Variants in HCN1 observed in about 807,000 individuals in gnomAD.
HCN1 encodes potassium/sodium hyperpolarization-activated cyclic nucleotide-gated channel 1.
A neutral mutation model predicts 78.9 loss-of-function variants in HCN1; 13 were observed. That is an observed-to-expected ratio of 0.16 (90% CI 0.11 to 0.26). The LOEUF is 0.26. Among genes scored for constraint, HCN1 ranks in the 10% least tolerant of loss-of-function variants. HCN1 has a pLI of 1.00. For missense variants in HCN1, 810 were observed against 1,154.3 expected (o/e 0.70, Z 4.32); for synonymous variants, 552 against 455.5 (o/e 1.21, Z -2.70).
chr5:45,587,484 G>A (rs1744256636), intron 2 of HCN1, among the ~76,000 whole-genome samples: 1 of 150,508 alleles, frequency 6.6e-6, no homozygotes, highest in Admixed American at 6.7e-5. Context: ...TCACTCACAG[G>A]TGGGAATTGA....
At chr5:45,600,439 T>G (rs982940603) in intron 2 of HCN1, among the ~76,000 whole-genome samples, 1 of 152,178 alleles carries the variant, frequency 6.6e-6, no homozygotes, top group Non-Finnish European at 1.5e-5. Flanking sequence ...TCATTGGAAT[T>G]TTCATATGTG....
At chr5:45,412,249 C>T (rs1300605350) in intron 3 of HCN1, among the ~76,000 whole-genome samples, 1 of 152,102 alleles carries the variant, frequency 6.6e-6, no homozygotes, top group Non-Finnish European at 1.5e-5. Context: ...AGCATTTCAT[C>T]TTCACTTTTC....
chr5:45,424,505 G>A (rs1328004605), intron 3 of HCN1, among the ~76,000 whole-genome samples: 3 of 151,890 alleles, frequency 2.0e-5, no homozygotes, highest in Non-Finnish European at 4.4e-5. Context: ...CAACACAGGA[G>A]AGAAAAAAAT....
At chr5:45,675,468 C>T (rs1433723053) in intron 1 of HCN1, among the ~76,000 whole-genome samples, 1 of 151,712 alleles carries the variant, frequency 6.6e-6, no homozygotes, top group Non-Finnish European at 1.5e-5. Flanking sequence ...GTGGTTTGAG[C>T]CTATCATCTA....
rs931852979 is a variant in HCN1, at chr5:45,257,801, G to T, written c.*4120C>A. 6.6e-6 allele frequency: 1 copy of T among 152,020 alleles called. No homozygotes were observed. Among genetic ancestry groups the T allele is most frequent in the Admixed American group, 6.5e-5 (1 of 15,268 alleles). 9.4% of individuals were successfully genotyped at this position (152,020 alleles called of 1,614,324 possible). A position where few individuals can be genotyped will look rare whatever the true frequency, so the allele number is the denominator to read the frequency against. ...CTTGAAAATAACCATATTGAATACAGTTATAGAACTGTATTTTATTTATTT... is the reference window on the plus strand; with the variant it reads ...CTTGAAAATAACCATATTGAATACATTTATAGAACTGTATTTTATTTATTT... On this transcript the variant is annotated 3_prime_UTR_variant, in exon 8 of 8. Transcript: ENST00000303230.
At chr5:45,349,960 T>C (rs1269322648) in intron 5 of HCN1, among the ~76,000 whole-genome samples, 1 of 152,122 alleles carries the variant, frequency 6.6e-6, no homozygotes, top group Admixed American at 6.6e-5. Context: ...GAGGAACTGG[T>C]ACCATTCCTT....
chr5:45,629,189 A>G (rs1745226602), intron 2 of HCN1, among the ~76,000 whole-genome samples: 1 of 152,006 alleles, frequency 6.6e-6, no homozygotes, highest in African/African-American at 2.4e-5. Context: ...AAGTATCTAC[A>G]ATAAAAACTG....
Position 45,471,856 on chromosome 5 carries a change from T to A in HCN1, c.850-9849A>T, listed in dbSNP as rs144528688. Among the ~76,000 whole-genome samples the A allele has an allele frequency of 7.2e-5, 11 of 152,090 alleles. No homozygotes were observed. The East Asian group carries it at 1.9e-3, about 27-fold the overall frequency. The stretch of plus-strand genomic sequence containing the variant: ...GCTGTTACTGAGTTAATTAATAAAT[T>A]GATTTGTGTCTATCATTATTTTTTC... On this transcript the variant is annotated intron_variant, in intron 2 of 7. Transcript: ENST00000303230.
intron 5 of HCN1, among the ~76,000 whole-genome samples, chr5:45,328,894 C>T (rs866731858): frequency 6.6e-6 from 1 of 151,686 alleles, no homozygotes; most frequent in South Asian, 2.1e-4. Flanking sequence ...GGAACACAGT[C>T]TACACACTTC....
At chr5:45,672,612 C>T (rs1746173198) in intron 1 of HCN1, among the ~76,000 whole-genome samples, 1 of 149,564 alleles carries the variant, frequency 6.7e-6, no homozygotes, top group Non-Finnish European at 1.5e-5. Context: ...AAAAGACTTG[C>T]TTGTTGTCTG....
intron 2 of HCN1, among the ~76,000 whole-genome samples, chr5:45,515,235 T>C (rs950102826): frequency 1.3e-5 from 2 of 152,008 alleles, no homozygotes; most frequent in Admixed American, 6.6e-5. Context: ...TTTTCTTTTT[T>C]TCTTATAGAT....
At chr5:45,523,636 T>G (rs1168902274) in intron 2 of HCN1, among the ~76,000 whole-genome samples, 2 of 152,070 alleles carry the variant, frequency 1.3e-5, no homozygotes, top group Non-Finnish European at 2.9e-5. Context: ...TTTCATGTGT[T>G]TTTTGGCTGC....
rs1745554011 is a variant in HCN1, at chr5:45,646,542, A to C, written c.426-934T>G. 2.0e-5 allele frequency among the ~76,000 whole-genome samples: 3 copies of C among 151,606 alleles called. No homozygotes were observed. The South Asian group carries it at 6.2e-4, about 32-fold the overall frequency. On this transcript the variant is annotated intron_variant, in intron 1 of 7. Transcript: ENST00000303230. Reference sequence around the variant, plus strand: ...GCGTGCCACCATGCCCAGCTAAAAAAAAATCTTTAACATTTCTAATTTAAT... The same window carrying C: ...GCGTGCCACCATGCCCAGCTAAAAACAAATCTTTAACATTTCTAATTTAAT...
At chr5:45,301,166 A>G (rs2111900739) in intron 6 of HCN1, among the ~76,000 whole-genome samples, 1 of 152,156 alleles carries the variant, frequency 6.6e-6, no homozygotes, top group African/African-American at 2.4e-5. Context: ...TCTTAAAGTC[A>G]GCATATTATT....
At chr5:45,303,093 A>G (rs1238634279) in intron 6 of HCN1, among the ~76,000 whole-genome samples, 1 of 152,122 alleles carries the variant, frequency 6.6e-6, no homozygotes, top group African/African-American at 2.4e-5. Flanking sequence ...AGCCTTCCTT[A>G]GGCCTGAAGG....
intron 7 of HCN1, among the ~76,000 whole-genome samples, 168 bp downstream of exon 7, chr5:45,266,921 C>T (rs1217255754): frequency 6.6e-6 from 1 of 152,106 alleles, no homozygotes; most frequent in Non-Finnish European, 1.5e-5. Flanking sequence ...GTTGGCCAGG[C>T]TGGTCTCGAA....
At chr5:45,597,282 G>A (rs1202346028) in intron 2 of HCN1, among the ~76,000 whole-genome samples, 4 of 152,090 alleles carry the variant, frequency 2.6e-5, no homozygotes, top group Non-Finnish European at 5.9e-5. Context: ...ATCAATAAAC[G>A]TAATCCATCA....
chr5:45,441,506 G>A (rs926575543), intron 3 of HCN1, among the ~76,000 whole-genome samples: 2 of 152,082 alleles, frequency 1.3e-5, no homozygotes, highest in African/African-American at 4.8e-5. Context: ...TTGATCCTGT[G>A]GTATGGGAAG....
intron 2 of HCN1, among the ~76,000 whole-genome samples, chr5:45,592,772 G>GA (rs1392367821): frequency 6.6e-6 from 1 of 152,068 alleles, no homozygotes; most frequent in Non-Finnish European, 1.5e-5. Context: ...CATATTCACA[G>GA]AATAAGGCCT....
Sources: gnomAD v4.1 joint callset for allele counts (sites outside exome capture counted in the v4.1 genomes callset) on GRCh38, gnomAD v4.1.1 for gene constraint, MANE v1.5 for transcripts, NCBI Gene and HGNC (gene_info 2026-07-23, HGNC 2026-07-21) for gene names.